DOCK4: variants seen among roughly 807,000 people sequenced by gnomAD.
DOCK4 encodes the protein dedicator of cytokinesis 4, also known as dedicator of cytokinesis protein 4.
DOCK4 carries 97 observed loss-of-function variants against 268.1 expected under a neutral mutation model. The observed-to-expected ratio is 0.36, with a 90% CI of 0.31 to 0.43. DOCK4 has a LOEUF of 0.43. DOCK4 is among the 20% of genes least tolerant of loss of function. The pLI, the probability that DOCK4 is intolerant of heterozygous loss-of-function variation, is 1.00. For missense variants in DOCK4, 2,145 were observed against 2,455.7 expected, an observed-to-expected ratio of 0.87 and a Z score of 2.67; for synonymous variants, 954 against 887.2, an observed-to-expected ratio of 1.08 and a Z score of -1.34.
Position 112,081,454 on chromosome 7 carries a change from A to G in DOCK4, c.38-77323T>C, listed in dbSNP as rs144558978. The stretch of plus-strand genomic sequence containing the variant: ...ACAGAGTCCTTGAGGGAAGCCTGAC[A>G]CGAAAAGTGCAGATGAACACTCATT... On this transcript the variant is annotated intron_variant, in intron 1 of 52. Transcript: ENST00000428084. 2.0e-5 allele frequency among the ~76,000 whole-genome samples: 3 copies of G among 152,270 alleles called. No individual in the cohort carries two copies. In the East Asian group the frequency reaches 5.8e-4, roughly 29 times the overall value.
chr7:111,887,842 C>T (rs1024345043), intron 16 of DOCK4, among the ~76,000 whole-genome samples: 6 of 150,420 alleles, frequency 4.0e-5, no homozygotes, highest in African/African-American at 1.5e-4. Context: ...AGAGAGAGGA[C>T]ATTGGGAGGG....
intron 1 of DOCK4, among the ~76,000 whole-genome samples, chr7:112,182,091 T>C (rs1417484532): frequency 6.6e-6 from 1 of 152,204 alleles, no homozygotes; most frequent in Non-Finnish European, 1.5e-5. Context: ...TACATACTTG[T>C]CCAGGATGAA....
At chr7:111,773,868 T>C (rs1798278233) in intron 36 of DOCK4, among the ~76,000 whole-genome samples, 1 of 151,078 alleles carries the variant, frequency 6.6e-6, no homozygotes, top group South Asian at 2.1e-4. Flanking sequence ...AAAAAAAAAA[T>C]TAGCTGGCTG....
intron 1 of DOCK4, among the ~76,000 whole-genome samples, chr7:112,091,861 T>C (rs961253120): frequency 6.6e-6 from 1 of 152,166 alleles, no homozygotes; most frequent in Non-Finnish European, 1.5e-5. Context: ...GTCAAACCCA[T>C]ACAGCCTATT....
At position 111,728,512 on chromosome 7, in the gene DOCK4, C is replaced by T; in HGVS notation, c.5690G>A (p.Gly1897Asp). The T allele has an allele frequency of 6.2e-7, 1 of 1,613,562 alleles. No individual in the cohort carries two copies. Residue 1897 changes from glycine (G) to aspartate (D), a missense_variant, in exon 53 of 53, where the codon GGC becomes GAC. Gly to Asp is a moderately conservative substitution (Grantham distance 94). Transcript: ENST00000428084. ...CTCCTTGCGCACTGGCTCCTCCCCG[C>T]CGTAGCTCGGCACGGGCACCGGCAC... The part of the protein sequence containing the change: ...VPVPVPVPSY[G>D]GEEPVRKESK...
chr7:111,915,908 A>T lies in DOCK4; in HGVS notation c.1067-4T>A, dbSNP rs1270314285. 3 of 1,609,812 alleles carry T rather than the reference A, an allele frequency of 1.9e-6. No homozygotes were observed. In the East Asian group the frequency reaches 6.7e-5, roughly 36 times the overall value. On this transcript the variant is annotated splice_region_variant and splice_polypyrimidine_tract_variant and intron_variant, in intron 12 of 52. Transcript: ENST00000428084. The stretch of plus-strand genomic sequence containing the variant: ...AGCTGTAAGGAAACTGCTAAACCTA[A>T]AACAGATGAGAGATACCCGAGTTAA...
At chr7:111,813,425 G>C (rs768112832) in intron 27 of DOCK4, among the ~76,000 whole-genome samples, 4 of 152,104 alleles carry the variant, frequency 2.6e-5, no homozygotes, top group Non-Finnish European at 4.4e-5. Flanking sequence ...CTTTCTTGTG[G>C]GGTAGGGAAA....
intron 13 of DOCK4, among the ~76,000 whole-genome samples, chr7:111,903,908 A>C (rs375374494): frequency 1.0e-3 from 158 of 152,342 alleles, no homozygotes; most frequent in African/African-American, 3.7e-3. Context: ...TAAAACCTAC[A>C]CTGACTAATG....
chr7:111,945,489 A>C (rs951016970), intron 9 of DOCK4, among the ~76,000 whole-genome samples: 25 of 152,190 alleles, frequency 1.6e-4, no homozygotes, highest in South Asian at 4.1e-4. Flanking sequence ...CCCCGCAATC[A>C]CTGTTATACT....
chr7:112,062,908 A>G (rs1586744221), intron 1 of DOCK4, among the ~76,000 whole-genome samples: 1 of 152,070 alleles, frequency 6.6e-6, no homozygotes, highest in South Asian at 2.1e-4. Flanking sequence ...CTATCTCCTG[A>G]CCTCGTGATC....
chr7:112,110,142 TC>T (rs11322213), intron 1 of DOCK4, among the ~76,000 whole-genome samples: 4,873 of 152,336 alleles, frequency 0.032, 281 homozygotes, highest in African/African-American at 0.11. Flanking sequence ...AATAGGAGCT[TC>T]CAAGTCTCCT....
chr7:111,931,059 T>C (rs1293483782), intron 12 of DOCK4, among the ~76,000 whole-genome samples: 1 of 152,106 alleles, frequency 6.6e-6, no homozygotes, highest in Admixed American at 6.5e-5. Context: ...GGCAGATAGA[T>C]GCAGGCTGCG....
In DOCK4 at chr7:111,728,456, C is replaced by G. The variant is rs1183688992; in HGVS notation, c.5746G>C (p.Glu1916Gln). 3.1e-6 allele frequency: 5 copies of G among 1,607,990 alleles called. No individual in the cohort carries two copies. Among genetic ancestry groups the G allele is most frequent in the African/African-American group, 2.7e-5 (2 of 74,902 alleles). The stretch of plus-strand genomic sequence containing the variant: ...GGGACGGGGCGCCGCAGAGTCCGCT[C>G]GTAGACGCTGTACGGGGGCGGAGTC... ...SKTPPPYSVY[E>Q]RTLRRPVPLP... is the part of the protein sequence containing the mutation. The change falls in exon 53 of 53, where the codon GAG (glutamate) becomes CAG (glutamine). Residue 1916 changes from glutamate to glutamine, a missense_variant. Glu to Gln is a conservative substitution (Grantham distance 29, BLOSUM62 2). Around this residue, in one of 2 missense-constraint regions of DOCK4, gnomAD observed 547 missense variants for 469.0 expected, o/e 1.17. Transcript: ENST00000428084.
chr7:112,136,584 C>A (rs1814372470), intron 1 of DOCK4, among the ~76,000 whole-genome samples: 1 of 152,120 alleles, frequency 6.6e-6, no homozygotes, highest in African/African-American at 2.4e-5. Flanking sequence ...AGGCGGAAGA[C>A]AAAAGACTGG....
At chr7:111,931,372 G>A (rs1343222574) in intron 12 of DOCK4, among the ~76,000 whole-genome samples, 1 of 152,186 alleles carries the variant, frequency 6.6e-6, no homozygotes, top group Admixed American at 6.5e-5. Context: ...TCATGGAAAA[G>A]GGTGGTTTGG....
chr7:111,821,290 T>C (rs1801958298), intron 27 of DOCK4: 1 of 152,144 alleles, frequency 6.6e-6, no homozygotes, highest in African/African-American at 2.4e-5. Flanking sequence ...GATAGATGCT[T>C]AGAGAATCCA....
chr7:111,904,107 G>A (rs1375212824), intron 13 of DOCK4, among the ~76,000 whole-genome samples: 2 of 152,214 alleles, frequency 1.3e-5, no homozygotes, highest in Non-Finnish European at 2.9e-5. Context: ...GGTGATAAGG[G>A]AGGTTTGCAA....
chr7:111,752,054 T>A (rs1796692171), intron 42 of DOCK4, among the ~76,000 whole-genome samples: 1 of 152,232 alleles, frequency 6.6e-6, no homozygotes, highest in African/African-American at 2.4e-5. Flanking sequence ...TATTGTTAAT[T>A]TTTAATGTGA....
intron 43 of DOCK4, 133 bp from the exon 44 acceptor site, chr7:111,746,550 T>C: frequency 1.5e-6 from 1 of 664,002 alleles, no homozygotes; most frequent in East Asian, 2.8e-5. Context: ...GATGGGCTGA[T>C]TACTAGTGTA....
Sources: allele counts gnomAD v4.1 joint callset (sites outside exome capture counted in the v4.1 genomes callset), GRCh38; gene constraint gnomAD v4.1.1; regional missense constraint gnomAD v4.1.1; transcripts MANE v1.5; gene names NCBI Gene and HGNC (gene_info 2026-07-23, HGNC 2026-07-21).